The following MMP25 variants were observed in gnomAD, a reference collection of about 807,000 sequenced individuals.
MMP25 encodes the protein matrix metallopeptidase 25.
In MMP25, 68 loss-of-function variants were observed where a neutral mutation model predicts 62.1. That is an observed-to-expected ratio of 1.10 (90% CI 0.90 to 1.34). MMP25 has a LOEUF of 1.34. Ranked by LOEUF, MMP25 falls within the 40% of genes most tolerant of loss-of-function variation. MMP25 has a pLI of 0.00. For synonymous variants in MMP25, 407 were observed against 345.6 expected (o/e 1.18, Z -1.97); for missense variants, 942 against 792.5 (o/e 1.19, Z -2.26).
Position 3,057,627 on chromosome 16 carries a change from C to G in MMP25, c.1006+14C>G. 1 of 1,613,268 alleles carries G rather than the reference C, an allele frequency of 6.2e-7. No individual in the cohort carries two copies. Among genetic ancestry groups the G allele is most frequent in the African/African-American group, 1.3e-5 (1 of 75,018 alleles). ...TCTTCTTCAAAGGTGAGTCATTTCACTTGGCCTCATATATGTTGGTTTCCT... is the reference window on the plus strand; with the variant it reads ...TCTTCTTCAAAGGTGAGTCATTTCAGTTGGCCTCATATATGTTGGTTTCCT... On this transcript the variant is annotated intron_variant, in intron 7 of 9. Transcript: ENST00000336577.
intron 4 of MMP25, among the ~76,000 whole-genome samples, chr16:3,055,326 G>A (rs1191732532): frequency 6.6e-6 from 1 of 152,146 alleles, no homozygotes; most frequent in Non-Finnish European, 1.5e-5. Context: ...GGAGAGACAA[G>A]GCAGGGAAGA....
chr16:3,049,194 T>G (rs771846332), intron 2 of MMP25, among the ~76,000 whole-genome samples: 2 of 150,598 alleles, frequency 1.3e-5, no homozygotes, highest in Non-Finnish European at 3.0e-5. Flanking sequence ...GGCTGCGGAG[T>G]CCACACGAGG....
Position 3,046,813 on chromosome 16 carries a change from G to T in MMP25, c.-105G>T, listed in dbSNP as rs1046609936. On this transcript the variant is annotated 5_prime_UTR_variant, in exon 1 of 10. Transcript: ENST00000336577. ...CCGATCCCTCCCTACTCGGTGCCGG[G>T]TGCCCCCCGCCCTCTCCAGGCCCGG... 104 of 558,806 alleles carry T rather than the reference G, an allele frequency of 1.9e-4. No homozygotes were observed. The East Asian group carries it at 3.7e-3, about 20-fold the overall frequency. 34.6% of individuals were successfully genotyped at this position (558,806 alleles called of 1,614,324 possible). A position where few individuals can be genotyped will look rare whatever the true frequency, so the allele number is the denominator to read the frequency against.
In MMP25 at chr16:3,059,869, G is replaced by T; in HGVS notation, c.*771G>T. 1 of 152,432 alleles carries T rather than the reference G, an allele frequency of 6.6e-6. No individual in the cohort carries two copies. The highest frequency in any genetic ancestry group is 1.5e-5 in the Non-Finnish European group (1 of 68,184). 9.4% of individuals were successfully genotyped at this position (152,432 alleles called of 1,614,324 possible). A position where few individuals can be genotyped will look rare whatever the true frequency, so the allele number is the denominator to read the frequency against. ...TGTTAACCTTTTCCGTTGCTCCCCC[G>T]CCACCCACCTCCTCCTCCCCAGGCC... On this transcript the variant is annotated 3_prime_UTR_variant, in exon 10 of 10. Coordinates refer to ENST00000336577, the MANE Select transcript of MMP25 (RefSeq NM_022468.5).
chr16:3,047,051 A>G, intron 1 of MMP25, 35 bp downstream of exon 1: 2 of 1,405,634 alleles, frequency 1.4e-6, no homozygotes, highest in Admixed American at 3.4e-5. Flanking sequence ...TGGGGTCTGC[A>G]GAGAGATTGG....
Position 3,050,526 on chromosome 16 carries a change from C to A in MMP25, c.641C>A (p.Thr214Asn), listed in dbSNP as rs1861847885. ...GACACTCACTTTGACGATGAGGAGA[C>A]CTGGACTTTTGGGTCAAAAGGTAAA... is the stretch of plus-strand genomic sequence containing the variant. Reference protein sequence around the residue: ...SGDTHFDDEETWTFGSKDGEG... With the variant: ...SGDTHFDDEENWTFGSKDGEG... The change falls in exon 4 of 10, where the codon ACC becomes AAC. Residue 214 changes from threonine (T) to asparagine (N), a missense_variant. By Grantham distance (65) the Thr-to-Asn change is moderately conservative (BLOSUM62 0). Transcript: ENST00000336577. 1 of 1,555,388 alleles carries A rather than the reference C, an allele frequency of 6.4e-7. No homozygotes were observed. The highest frequency in any genetic ancestry group is 8.7e-7 in the Non-Finnish European group (1 of 1,149,352).
intron 4 of MMP25, chr16:3,054,185 G>A (rs1310798821): frequency 6.6e-6 from 1 of 152,148 alleles, no homozygotes. Flanking sequence ...TGGATGGATG[G>A]ACAGATGCAT....
Position 3,057,107 on chromosome 16 carries a change from GC to G in MMP25, c.741del (p.Asn248ThrfsTer4). 1 of 1,613,268 alleles carries G rather than the reference GC, an allele frequency of 6.2e-7. No individual in the cohort carries two copies. The highest frequency in any genetic ancestry group is 8.5e-7 in the Non-Finnish European group (1 of 1,179,686). ...GHALGLGHSS[A>X]PNSIMRPFYQ... is the part of the protein sequence containing the mutation. ...CGCCCTGGGCCTGGGCCACTCCTCA[GC>G]CCCCAACTCCATTATGAGGCCCTTC... On this transcript the variant is annotated frameshift_variant, in exon 5 of 10. Transcript: ENST00000336577. LOFTEE classifies it high-confidence loss of function.
chr16:3,046,711 G>C lies in MMP25; in HGVS notation c.-207G>C, dbSNP rs546660257. On this transcript the variant is annotated 5_prime_UTR_variant, in exon 1 of 10. Coordinates refer to ENST00000336577, the MANE Select transcript of MMP25 (RefSeq NM_022468.5). ...CCGGGCCCACCCGACCCAGCGGCGC[G>C]ACCCTGGCCCTCCGGGACCCTCCGC... 653 of 396,068 alleles carry C rather than the reference G, an allele frequency of 1.6e-3. 2 individuals carry two copies. The highest frequency in any genetic ancestry group is 2.6e-3 in the Middle Eastern group (4 of 1,522). 24.5% of individuals were successfully genotyped at this position (396,068 alleles called of 1,614,324 possible). A position where few individuals can be genotyped will look rare whatever the true frequency, so the allele number is the denominator to read the frequency against.
At chr16:3,055,970 G>A in intron 4 of MMP25, 1 of 455,260 alleles carries the variant, frequency 2.2e-6, no homozygotes. Flanking sequence ...AAGAGGCTGG[G>A]AGCAAGGCCG....
At chr16:3,048,990 T>C (rs1254219243) in intron 2 of MMP25, among the ~76,000 whole-genome samples, 1 of 151,902 alleles carries the variant, frequency 6.6e-6, no homozygotes, top group Admixed American at 6.6e-5. Context: ...GTATGTTTAG[T>C]AGAGACAGGG....
intron 4 of MMP25, 120 bp downstream of exon 4, chr16:3,050,666 T>G (rs371126074): frequency 5.8e-6 from 6 of 1,043,392 alleles, no homozygotes; most frequent in Non-Finnish European, 7.9e-6. Flanking sequence ...CAGGCTAGAG[T>G]GCAGTGGTGC....
Position 3,050,320 on chromosome 16 carries a change from C to T in MMP25, c.435C>T (p.Ala145=), listed in dbSNP as rs373822933. 87 of 1,613,732 alleles carry T rather than the reference C, an allele frequency of 5.4e-5. No homozygotes were observed. The highest frequency in any genetic ancestry group is 7.2e-5 in the Non-Finnish European group (85 of 1,179,912). The change falls in exon 4 of 10, where the codon GCC becomes GCT. Residue 145 remains alanine (A), a synonymous_variant. Coordinates refer to ENST00000336577, the MANE Select transcript of MMP25 (RefSeq NM_022468.5). ...CCGTGCGGGTCCTCATGAGCTATGC[C>T]CTGATGGCCTGGGGCATGGAGTCAG... ...QETVRVLMSY[A]LMAWGMESGL... is the part of the protein sequence containing the mutation.
intron 7 of MMP25, 171 bp from the exon 8 acceptor site, chr16:3,058,009 CT>C (rs891592565): frequency 1.1e-5 from 8 of 745,620 alleles, no homozygotes; most frequent in Non-Finnish European, 1.5e-5. Flanking sequence ...GGCCCTGGCA[CT>C]TTTAGCGCTA....
At chr16:3,056,297 C>G (rs992977955) in intron 4 of MMP25, 2 of 218,104 alleles carry the variant, frequency 9.2e-6, no homozygotes, top group East Asian at 2.7e-4. Flanking sequence ...GGAGGGGATG[C>G]TCCCAGGGCT....
intron 4 of MMP25, chr16:3,055,786 C>G (rs985466723): frequency 2.2e-6 from 1 of 454,228 alleles, no homozygotes; most frequent in Admixed American, 2.4e-5. Flanking sequence ...ACTGGGGCCT[C>G]CCTGTGGTGC....
chr16:3,058,771 G>A lies in MMP25; in HGVS notation c.1418-56G>A. ...CACCCTGCGGGGATGGGGGTCCTTG[G>A]GCATCAGGGAGCGGCGGGGCGGGGA... On this transcript the variant is annotated intron_variant, in intron 9 of 9. Coordinates refer to ENST00000336577, the MANE Select transcript of MMP25 (RefSeq NM_022468.5). 5.3e-6 allele frequency: 8 copies of A among 1,513,414 alleles called. 1 individual carries two copies. The highest frequency in any genetic ancestry group is 7.1e-6 in the Non-Finnish European group (8 of 1,127,912). The allele number at this position is 1,513,414 out of a possible 1,614,324, so 93.7% of individuals were successfully genotyped here. A position where few individuals can be genotyped will look rare whatever the true frequency, so the allele number is the denominator to read the frequency against.
Position 3,046,876 on chromosome 16 carries a change from G to T in MMP25, c.-42G>T. 1 of 1,232,802 alleles carries T rather than the reference G, an allele frequency of 8.1e-7. No individual in the cohort carries two copies. The highest frequency in any genetic ancestry group is 1.1e-6 in the Non-Finnish European group (1 of 945,502). 76.4% of individuals were successfully genotyped at this position (1,232,802 alleles called of 1,614,324 possible). On this transcript the variant is annotated 5_prime_UTR_variant, in exon 1 of 10. Coordinates refer to ENST00000336577, the MANE Select transcript of MMP25 (RefSeq NM_022468.5). ...AGGTCCCCGGGGCGGCCCCAGCCAG[G>T]CCCCCTTCGAACCCCGCCGGCGGCC...
chr16:3,054,590 A>T (rs3891076), intron 4 of MMP25: 1 of 123,584 alleles, frequency 8.1e-6, no homozygotes, highest in African/African-American at 3.2e-5. Flanking sequence ...GCGGGGATGG[A>T]TGGATGGACA....
Sources: gnomAD v4.1 joint callset for allele counts (sites outside exome capture counted in the v4.1 genomes callset) on GRCh38, gnomAD v4.1.1 for gene constraint, MANE v1.5 for transcripts, NCBI Gene and HGNC (gene_info 2026-07-23, HGNC 2026-07-21) for gene names.